The following PRKDC variants were observed in gnomAD, a reference collection of about 807,000 sequenced individuals.
PRKDC encodes the protein DNA-dependent protein kinase catalytic subunit.
PRKDC carries 82 observed loss-of-function variants against 486.9 expected under a neutral mutation model. The observed-to-expected ratio is 0.17, with a 90% CI of 0.14 to 0.20. The LOEUF (loss-of-function observed/expected upper bound fraction) is 0.20, where lower values mean the gene tolerates loss of function less well. Among genes scored for constraint, PRKDC ranks in the 10% least tolerant of loss-of-function variants. The pLI is 1.00. For missense variants in PRKDC, 4,504 were observed against 5,038.2 expected (o/e 0.89, Z 3.21); for synonymous variants, 1,895 against 1,837.0 (o/e 1.03, Z -0.81).
At chr8:47,886,444 C>G (rs2089333988) in intron 35 of PRKDC, among the ~76,000 whole-genome samples, 1 of 152,000 alleles carries the variant, frequency 6.6e-6, no homozygotes, top group Non-Finnish European at 1.5e-5. Context: ...GGCTGGAGTA[C>G]AGTGGCACGA....
At chr8:47,834,172 A>G in intron 59 of PRKDC, 24 bp downstream of exon 59, 1 of 1,613,796 alleles carries the variant, frequency 6.2e-7, no homozygotes, top group Non-Finnish European at 8.5e-7. Context: ...AGCTATTTTA[A>G]GCACACTCAG....
At chr8:47,830,792 C>G in intron 60 of PRKDC, 56 bp from the exon 61 acceptor site, 1 of 1,605,934 alleles carries the variant, frequency 6.2e-7, no homozygotes, top group Non-Finnish European at 8.5e-7. Flanking sequence ...GGAAACTAGT[C>G]GTGCATGAGC....
chr8:47,810,980 A>T (rs1213174332), intron 68 of PRKDC, among the ~76,000 whole-genome samples: 1 of 152,228 alleles, frequency 6.6e-6, no homozygotes, highest in Non-Finnish European at 1.5e-5. Flanking sequence ...GCATTCCCAC[A>T]AAGAGACCAA....
At chr8:47,908,306 T>A (rs2089830321) in intron 25 of PRKDC, among the ~76,000 whole-genome samples, 1 of 152,248 alleles carries the variant, frequency 6.6e-6, no homozygotes, top group Admixed American at 6.5e-5. Context: ...CATTTCTTCT[T>A]TTATGAGCTG....
chr8:47,860,280 A>AG (rs1431425560), intron 45 of PRKDC, among the ~76,000 whole-genome samples: 2 of 152,238 alleles, frequency 1.3e-5, no homozygotes, highest in Non-Finnish European at 1.5e-5. Context: ...AGTCTACTTC[A>AG]GGGGTTGACA....
At position 47,858,529 on chromosome 8, in the gene PRKDC, A is replaced by C. The variant is rs749165886; in HGVS notation, c.6452T>G (p.Ile2151Ser). 2 of 1,514,156 alleles carry C rather than the reference A, an allele frequency of 1.3e-6. No homozygotes were observed. The highest frequency in any genetic ancestry group is 4.2e-5 in the Admixed American group (2 of 47,062). 93.8% of individuals were successfully genotyped at this position (1,514,156 alleles called of 1,614,324 possible). The stretch of plus-strand genomic sequence containing the variant: ...TCAATTACTTACCTCTTCTGTATTA[A>C]TAACAAGCTTGGCTAAGAAGAGACG... The part of the protein sequence containing the change: ...NIRLFLAKLV[I>S]NTEEVFRPYA... Residue 2151 changes from isoleucine (I) to serine (S), a missense_variant, in exon 48 of 86, where the codon ATT becomes AGT. Transcript: ENST00000314191.
In PRKDC at chr8:47,773,902, T is replaced by C. The variant is rs2086561250; in HGVS notation, c.*271A>G. ...AATGCTTTGAAAGCTGATCACATAT[T>C]ATATTCTTGACTTAATACTTTGGTA... On this transcript the variant is annotated 3_prime_UTR_variant, in exon 86 of 86. Coordinates refer to ENST00000314191, the MANE Select transcript of PRKDC (RefSeq NM_006904.7). 4 of 340,252 alleles carry C rather than the reference T, an allele frequency of 1.2e-5. No individual in the cohort carries two copies. Among genetic ancestry groups the C allele is most frequent in the Non-Finnish European group, 2.1e-5 (4 of 187,292 alleles). 21.1% of individuals were successfully genotyped at this position (340,252 alleles called of 1,614,324 possible). A position where few individuals can be genotyped will look rare whatever the true frequency, so the allele number is the denominator to read the frequency against.
In PRKDC at chr8:47,934,105, A is replaced by AGTC. The variant is rs1222452596; in HGVS notation, c.1498-16_1498-15insGAC. Reference sequence around the variant, plus strand: ...GACTCAGGGCCCTGGCCAGAAAGACAGCATGACAATATGTAGTGATGGATT... The same window carrying AGTC: ...GACTCAGGGCCCTGGCCAGAAAGACAGTCGCATGACAATATGTAGTGATGGATT... On this transcript the variant is annotated splice_polypyrimidine_tract_variant and intron_variant, in intron 14 of 85. Transcript: ENST00000314191. 1.2e-6 allele frequency: 2 copies of AGTC among 1,609,412 alleles called. No individual in the cohort carries two copies. The highest frequency in any genetic ancestry group is 1.7e-5 in the Admixed American group (1 of 59,166).
intron 59 of PRKDC, among the ~76,000 whole-genome samples, chr8:47,832,324 C>T (rs1404846991): frequency 4.6e-5 from 7 of 152,208 alleles, no homozygotes; most frequent in Non-Finnish European, 7.3e-5. Context: ...ACTCCTAACC[C>T]GTATGATTCC....
chr8:47,868,282 G>A (rs373447694), intron 40 of PRKDC, among the ~76,000 whole-genome samples: 3 of 152,056 alleles, frequency 2.0e-5, no homozygotes, highest in South Asian at 2.1e-4. Flanking sequence ...TTAATTCCGG[G>A]TATGGCGGCT....
chr8:47,955,837 T>G, intron 4 of PRKDC, 37 bp downstream of exon 4: 1 of 1,467,740 alleles, frequency 6.8e-7, no homozygotes. Context: ...AAGTTACATG[T>G]TTAATGTAAA....
chr8:47,874,110 A>C (rs1471037211), intron 40 of PRKDC, among the ~76,000 whole-genome samples: 3 of 143,756 alleles, frequency 2.1e-5, no homozygotes, highest in African/African-American at 7.6e-5. Flanking sequence ...CGCCCGGCTA[A>C]TTTTTTTTTT....
At chr8:47,888,890 G>T in intron 33 of PRKDC, 124 bp downstream of exon 33, 1 of 1,116,798 alleles carries the variant, frequency 9.0e-7, no homozygotes, top group Non-Finnish European at 1.3e-6. Flanking sequence ...GAGGTCACTG[G>T]CAGCAAACAT....
intron 16 of PRKDC, among the ~76,000 whole-genome samples, chr8:47,932,626 C>T (rs2090276792): frequency 6.6e-6 from 1 of 152,138 alleles, no homozygotes. Context: ...ATCAGGAACA[C>T]ATTTAACACC....
chr8:47,795,670 T>C (rs1356438502), intron 73 of PRKDC, among the ~76,000 whole-genome samples: 1 of 151,838 alleles, frequency 6.6e-6, no homozygotes, highest in African/African-American at 2.4e-5. Flanking sequence ...ATTTTTGTAC[T>C]TTTAGTAGAG....
chr8:47,807,129 G>C lies in PRKDC; in HGVS notation c.9747+8C>G. 1 of 1,612,462 alleles carries C rather than the reference G, an allele frequency of 6.2e-7. No homozygotes were observed. The highest frequency in any genetic ancestry group is 8.5e-7 in the Non-Finnish European group (1 of 1,179,000). On this transcript the variant is annotated splice_region_variant and intron_variant, in intron 69 of 85. Transcript: ENST00000314191. ...GACACAGCAGGGAGGACAGACACGA[G>C]TACCCACCTGCTTCCGGGCACTGTC...
intron 19 of PRKDC, among the ~76,000 whole-genome samples, chr8:47,928,818 A>C (rs891340039): frequency 5.9e-5 from 9 of 151,974 alleles, no homozygotes; most frequent in African/African-American, 2.2e-4. Flanking sequence ...CAGCCTACTG[A>C]GGAGCTGGGA....
At chr8:47,941,160 C>CA (rs1039627157) in intron 10 of PRKDC, among the ~76,000 whole-genome samples, 4 of 148,650 alleles carry the variant, frequency 2.7e-5, no homozygotes, top group Non-Finnish European at 6.0e-5. Context: ...AAAACAGCAA[C>CA]AAAAAAAACA....
intron 83 of PRKDC, among the ~76,000 whole-genome samples, chr8:47,778,080 C>A (rs569298464): frequency 6.6e-6 from 1 of 152,168 alleles, no homozygotes; most frequent in Non-Finnish European, 1.5e-5. Context: ...GCAAAACCCA[C>A]GTGCACAGGA....
Sources: allele counts gnomAD v4.1 joint callset (sites outside exome capture counted in the v4.1 genomes callset), GRCh38; gene constraint gnomAD v4.1.1; transcripts MANE v1.5; gene names NCBI Gene and HGNC (gene_info 2026-07-23, HGNC 2026-07-21).